Variants in ANO6 observed in about 807,000 individuals in gnomAD.
The protein encoded by ANO6 is anoctamin-6.
Under a neutral mutation model 117.5 loss-of-function variants are expected in ANO6, and 106 were observed. That is an observed-to-expected ratio of 0.90 (90% CI 0.77 to 1.06). ANO6 has a LOEUF of 1.06. ANO6 is among the 50% of genes least tolerant of loss of function. The pLI is 0.00. For missense variants in ANO6, 955 were observed against 1,121.1 expected, an observed-to-expected ratio of 0.85 and a Z score of 2.12; for synonymous variants, 367 against 385.1, an observed-to-expected ratio of 0.95 and a Z score of 0.55.
intron 3 of ANO6, among the ~76,000 whole-genome samples, chr12:45,341,955 G>T (rs1940991756): frequency 6.6e-6 from 1 of 152,114 alleles, no homozygotes; most frequent in African/African-American, 2.4e-5. Flanking sequence ...CAAGCATCAT[G>T]CCGAGTGCTT....
At chr12:45,288,526 G>C (rs991636386) in intron 1 of ANO6, among the ~76,000 whole-genome samples, 3 of 152,050 alleles carry the variant, frequency 2.0e-5, no homozygotes, top group African/African-American at 7.3e-5. Context: ...ATGTTGCTTA[G>C]CCTGATGTCC....
At chr12:45,398,268 TATG>T (rs1373045619) in intron 12 of ANO6, among the ~76,000 whole-genome samples, 18 of 151,996 alleles carry the variant, frequency 1.2e-4, no homozygotes, top group Admixed American at 5.9e-4. Flanking sequence ...AGGAAAAAAA[TATG>T]ATGACCAATA....
At position 45,216,390 on chromosome 12, in the gene ANO6, C is replaced by G. The variant is rs1947311500; in HGVS notation, c.69C>G (p.Ile23Met). ...EEEEDDDDGD[I>M]VLENLGQTIV... ...AGGAGGACGACGACGATGGGGATAT[C>G]GGTGAGCGAGGGGTCCCCGCGTCCC... The change falls in exon 1 of 20, where the codon ATC (isoleucine) becomes ATG (methionine). Residue 23 changes from isoleucine (I) to methionine (M), a missense_variant and splice_region_variant. Transcript: ENST00000320560. 2 of 1,611,542 alleles carry G rather than the reference C, an allele frequency of 1.2e-6. No homozygotes were observed. Among genetic ancestry groups the G allele is most frequent in the African/African-American group, 2.7e-5 (2 of 74,878 alleles).
At chr12:45,356,054 C>CT (rs1941402952) in intron 7 of ANO6, among the ~76,000 whole-genome samples, 1 of 152,222 alleles carries the variant, frequency 6.6e-6, no homozygotes, top group African/African-American at 2.4e-5. Flanking sequence ...TTCCTAAACT[C>CT]TCTTTCTGCC....
intron 12 of ANO6, among the ~76,000 whole-genome samples, chr12:45,391,062 A>G (rs770769489): frequency 1.4e-4 from 22 of 152,114 alleles, no homozygotes; most frequent in Non-Finnish European, 3.1e-4. Flanking sequence ...CGGAGGTTGC[A>G]GTGAGTGAAA....
At chr12:45,376,611 C>G (rs1423941230) in intron 9 of ANO6, among the ~76,000 whole-genome samples, 1 of 147,148 alleles carries the variant, frequency 6.8e-6, no homozygotes, top group Non-Finnish European at 1.5e-5. Context: ...AACAAAAAAC[C>G]AAACACCGCA....
intron 2 of ANO6, among the ~76,000 whole-genome samples, chr12:45,315,582 C>T (rs1300053746): frequency 6.6e-6 from 1 of 152,046 alleles, no homozygotes; most frequent in Admixed American, 6.6e-5. Flanking sequence ...TTCTCACTTA[C>T]TCACTCTCCT....
intron 1 of ANO6, among the ~76,000 whole-genome samples, chr12:45,221,890 T>A (rs1377316285): frequency 6.6e-6 from 1 of 150,712 alleles, no homozygotes; most frequent in East Asian, 1.9e-4. Flanking sequence ...TTTTTTTTTT[T>A]TTTTTTTGGG....
intron 2 of ANO6, among the ~76,000 whole-genome samples, chr12:45,324,487 C>T (rs1940395542): frequency 6.6e-6 from 1 of 152,106 alleles, no homozygotes; most frequent in Non-Finnish European, 1.5e-5. Flanking sequence ...CGTTGATTTC[C>T]AGAGCAGTCG....
At chr12:45,337,384 T>C (rs564203601) in intron 3 of ANO6, among the ~76,000 whole-genome samples, 4 of 152,224 alleles carry the variant, frequency 2.6e-5, no homozygotes, top group African/African-American at 9.6e-5. Flanking sequence ...CAGTGCAGGA[T>C]TGTAGCCTGA....
chr12:45,389,806 G>A (rs1391222381), intron 11 of ANO6, among the ~76,000 whole-genome samples: 3 of 152,222 alleles, frequency 2.0e-5, no homozygotes, highest in Non-Finnish European at 4.4e-5. Flanking sequence ...TAAGGATTGA[G>A]TTAATGTATA....
At position 45,388,295 on chromosome 12, in the gene ANO6, A is replaced by T. The variant is rs1249662782; in HGVS notation, c.1300A>T (p.Ile434Phe). Residue 434 changes from isoleucine (I) to phenylalanine (F), a missense_variant, in exon 11 of 20, where the codon ATT becomes TTT. Physicochemically the swap from Ile to Phe is conservative, Grantham distance 21. Coordinates refer to ENST00000320560, the MANE Select transcript of ANO6 (RefSeq NM_001025356.3). The part of the protein sequence containing the change: ...ARCTHVVINE[I>F]TQEEERIPFT... ...ATGTACTCACGTAGTGATAAATGAG[A>T]TTACTCAGGTAAGCAGGGTCGTATT... is the stretch of plus-strand genomic sequence containing the variant. 8.7e-6 allele frequency: 14 copies of T among 1,614,028 alleles called. No homozygotes were observed. The highest frequency in any genetic ancestry group is 1.2e-5 in the Non-Finnish European group (14 of 1,179,906).
chr12:45,299,847 ATC>A (rs774103708), intron 1 of ANO6, among the ~76,000 whole-genome samples: 1 of 152,094 alleles, frequency 6.6e-6, no homozygotes, highest in Non-Finnish European at 1.5e-5. Context: ...GGAAGACTCC[ATC>A]TCAAAAAAAA....
In ANO6 at chr12:45,232,446, G is replaced by T. The variant is rs143418355; in HGVS notation, c.70+16055G>T. On this transcript the variant is annotated intron_variant, in intron 1 of 19. Coordinates refer to ENST00000320560, the MANE Select transcript of ANO6 (RefSeq NM_001025356.3). ...GACTGAACCAGGATAGCTGAGAACAGAACCTGGGCATATCCAAAACTAGTT... is the reference window on the plus strand; with the variant it reads ...GACTGAACCAGGATAGCTGAGAACATAACCTGGGCATATCCAAAACTAGTT... Among the ~76,000 whole-genome samples the T allele has an allele frequency of 7.3e-3, 1,110 of 152,336 alleles. 4 individuals are homozygous for T. The highest frequency in any genetic ancestry group is 0.012 in the Non-Finnish European group (843 of 68,028).
intron 1 of ANO6, among the ~76,000 whole-genome samples, chr12:45,239,405 A>T (rs1303685224): frequency 6.6e-6 from 1 of 151,678 alleles, no homozygotes; most frequent in Non-Finnish European, 1.5e-5. Flanking sequence ...ATCATTTTTT[A>T]TTGCATCTAT....
At chr12:45,398,420 A>G (rs1436621893) in intron 12 of ANO6, among the ~76,000 whole-genome samples, 1 of 152,242 alleles carries the variant, frequency 6.6e-6, no homozygotes, top group African/African-American at 2.4e-5. Context: ...ATACAAGACT[A>G]TTGTAATTCT....
At chr12:45,390,279 A>G (rs1379341525) in intron 11 of ANO6, 142 bp from the exon 12 acceptor site, 8 of 727,874 alleles carry the variant, frequency 1.1e-5, no homozygotes, top group Non-Finnish European at 1.9e-5. Context: ...TGTTAACAAA[A>G]AAGTGCAATT....
intron 1 of ANO6, among the ~76,000 whole-genome samples, chr12:45,268,766 G>A (rs925031200): frequency 3.9e-5 from 6 of 152,188 alleles, no homozygotes; most frequent in Non-Finnish European, 8.8e-5. Context: ...AAGGGAAAGG[G>A]CTTTCCTTGG....
At chr12:45,315,185 A>G (rs1939982514) in intron 2 of ANO6, among the ~76,000 whole-genome samples, 1 of 152,058 alleles carries the variant, frequency 6.6e-6, no homozygotes, top group Admixed American at 6.6e-5. Context: ...GGGTATGGAG[A>G]CAACTTGTGA....
Sources: gnomAD v4.1 joint callset for allele counts (sites outside exome capture counted in the v4.1 genomes callset) on GRCh38, gnomAD v4.1.1 for gene constraint, MANE v1.5 for transcripts, NCBI Gene and HGNC (gene_info 2026-07-23, HGNC 2026-07-21) for gene names.